Variants in MBD5 observed in about 807,000 individuals in gnomAD.
The protein encoded by MBD5 is methyl-CpG-binding domain protein 5.
A neutral mutation model predicts 117.3 loss-of-function variants in MBD5; 13 were observed. That is an observed-to-expected ratio of 0.11 (90% CI 0.07 to 0.18). The LOEUF (loss-of-function observed/expected upper bound fraction) is 0.18. Ranked by LOEUF, MBD5 falls within the 10% of genes least tolerant of loss-of-function variation. The pLI, the probability that MBD5 is intolerant of heterozygous loss-of-function variation, is 1.00. For missense variants in MBD5, 1,879 were observed against 2,093.8 expected (o/e 0.90, Z 2.00); for synonymous variants, 727 against 766.4 (o/e 0.95, Z 0.85).
chr2:148,052,311 A>G (rs1383546339), intron 1 of MBD5, among the ~76,000 whole-genome samples: 1 of 146,398 alleles, frequency 6.8e-6, no homozygotes, highest in African/African-American at 2.5e-5. Context: ...CCCAGGTTCA[A>G]GCAATTCCCC....
intron 3 of MBD5, among the ~76,000 whole-genome samples, chr2:148,327,551 T>G (rs1210021422): frequency 6.6e-6 from 1 of 152,044 alleles, no homozygotes; most frequent in Non-Finnish European, 1.5e-5. Flanking sequence ...CTTTTTATTC[T>G]TTTTTCTCTA....
At chr2:148,215,908 T>G (rs1037680356) in intron 2 of MBD5, among the ~76,000 whole-genome samples, 4 of 152,076 alleles carry the variant, frequency 2.6e-5, no homozygotes, top group Admixed American at 2.6e-4. Flanking sequence ...AAAACTACTT[T>G]GATAGGATAT....
intron 1 of MBD5, among the ~76,000 whole-genome samples, chr2:148,086,129 C>T (rs1238800): frequency 0.45 from 67,906 of 151,580 alleles, 15,292 homozygotes; most frequent in South Asian, 0.51. Context: ...AGTATATGTA[C>T]TATATAGCCT....
chr2:148,092,373 C>T (rs913250976), intron 1 of MBD5, among the ~76,000 whole-genome samples: 1 of 152,056 alleles, frequency 6.6e-6, no homozygotes, highest in African/African-American at 2.4e-5. Flanking sequence ...GCATGTTTAT[C>T]TCAGCACAAT....
At chr2:148,165,662 CAT>C (rs908409524) in intron 1 of MBD5, among the ~76,000 whole-genome samples, 11 of 152,090 alleles carry the variant, frequency 7.2e-5, no homozygotes, top group African/African-American at 2.2e-4. Flanking sequence ...TTTTATGTAA[CAT>C]ATTTTTATAT....
chr2:148,204,511 C>T (rs1442219206), intron 2 of MBD5, among the ~76,000 whole-genome samples: 1 of 152,080 alleles, frequency 6.6e-6, no homozygotes, highest in Non-Finnish European at 1.5e-5. Context: ...GGAAAGTTGA[C>T]CTAGAACTGT....
chr2:148,438,873 C>T (rs764659830), intron 4 of MBD5, among the ~76,000 whole-genome samples: 3 of 152,158 alleles, frequency 2.0e-5, no homozygotes, highest in Admixed American at 6.6e-5. Context: ...TGCCTGCCAA[C>T]GCTGAGAGAA....
chr2:148,235,768 A>C (rs1308246964), intron 3 of MBD5, among the ~76,000 whole-genome samples: 1 of 150,276 alleles, frequency 6.7e-6, no homozygotes, highest in Non-Finnish European at 1.5e-5. Context: ...CACATGCCTT[A>C]ATTTTAAAAT....
intron 3 of MBD5, among the ~76,000 whole-genome samples, chr2:148,309,620 T>C (rs879196235): frequency 6.6e-6 from 1 of 152,218 alleles, no homozygotes; most frequent in East Asian, 1.9e-4. Context: ...CTCTTTCTAT[T>C]TGAATACTCT....
intron 3 of MBD5, among the ~76,000 whole-genome samples, chr2:148,310,166 A>G (rs1701995167): frequency 6.6e-6 from 1 of 152,132 alleles, no homozygotes; most frequent in African/African-American, 2.4e-5. Context: ...TCATAAAATG[A>G]GTTATGAAGG....
At chr2:148,242,377 C>CAT (rs34443442) in intron 3 of MBD5, among the ~76,000 whole-genome samples, 70,414 of 150,134 alleles carry the variant, frequency 0.47, 16,637 homozygotes, top group East Asian at 0.7. Context: ...ATTACACACA[C>CAT]ATATATATAT....
chr2:148,464,893 C>T (rs1049803438), intron 7 of MBD5, among the ~76,000 whole-genome samples: 3 of 151,164 alleles, frequency 2.0e-5, no homozygotes, highest in Admixed American at 1.3e-4. Flanking sequence ...TCTCTTGAAC[C>T]CAGAAGTTGG....
intron 1 of MBD5, among the ~76,000 whole-genome samples, chr2:148,149,027 G>T (rs1697556691): frequency 6.6e-6 from 1 of 151,972 alleles, no homozygotes; most frequent in East Asian, 1.9e-4. Context: ...CCATGCTGGT[G>T]CACTGCACCC....
rs374342776 is a variant in MBD5, at chr2:148,079,277, G to A, written c.-925+57593G>A. 4.6e-5 allele frequency among the ~76,000 whole-genome samples: 7 copies of A among 152,266 alleles called. No homozygotes were observed. In the East Asian group the frequency reaches 7.7e-4, roughly 17 times the overall value. ...CAAAATGACTGACTTTGTGTGTTTGGTCTAGCCTCATCCAGCCTTAAGCAA... is the reference window on the plus strand; with the variant it reads ...CAAAATGACTGACTTTGTGTGTTTGATCTAGCCTCATCCAGCCTTAAGCAA... On this transcript the variant is annotated intron_variant, in intron 1 of 13. Coordinates refer to ENST00000642680, the MANE Select transcript of MBD5 (RefSeq NM_001378120.1).
At chr2:148,204,641 A>G (rs1699231757) in intron 2 of MBD5, among the ~76,000 whole-genome samples, 1 of 152,212 alleles carries the variant, frequency 6.6e-6, no homozygotes, top group South Asian at 2.1e-4. Context: ...ATCAACATTT[A>G]GTACCAGTTG....
chr2:148,073,985 A>G (rs1695425671), intron 1 of MBD5, among the ~76,000 whole-genome samples: 1 of 152,108 alleles, frequency 6.6e-6, no homozygotes, highest in African/African-American at 2.4e-5. Flanking sequence ...GGCTTATAGG[A>G]TACCAGATAA....
intron 1 of MBD5, chr2:148,028,110 A>T (rs965356058): frequency 6.6e-6 from 1 of 152,092 alleles, no homozygotes; most frequent in Non-Finnish European, 1.5e-5. Context: ...TCAAAGTTGG[A>T]TATCACAAAT....
intron 3 of MBD5, among the ~76,000 whole-genome samples, chr2:148,267,881 G>A (rs1308685062): frequency 6.7e-6 from 1 of 148,620 alleles, no homozygotes; most frequent in East Asian, 2.0e-4. Flanking sequence ...TTTATTCCAG[G>A]TCTATATATT....
intron 3 of MBD5, among the ~76,000 whole-genome samples, chr2:148,236,592 G>T (rs534890985): frequency 6.6e-6 from 1 of 152,098 alleles, no homozygotes; most frequent in South Asian, 2.1e-4. Flanking sequence ...AGCGAATCAT[G>T]CTGCAAACAG....
Sources: allele counts gnomAD v4.1 joint callset (sites outside exome capture counted in the v4.1 genomes callset), GRCh38; gene constraint gnomAD v4.1.1; transcripts MANE v1.5; gene names NCBI Gene and HGNC (gene_info 2026-07-23, HGNC 2026-07-21).